PTPRG: variants seen among roughly 807,000 people sequenced by gnomAD.
PTPRG encodes receptor-type tyrosine-protein phosphatase gamma.
Under a neutral mutation model 165.3 loss-of-function variants are expected in PTPRG, and 102 were observed. The ratio of observed to expected loss-of-function variants is 0.62; its 90% CI spans 0.53 to 0.73. The LOEUF (loss-of-function observed/expected upper bound fraction) is 0.73, where lower values mean the gene tolerates loss of function less well. PTPRG is among the 30% of genes least tolerant of loss of function. PTPRG has a pLI of 0.00. For synonymous variants in PTPRG, 675 were observed against 669.5 expected (o/e 1.01, Z -0.13); for missense variants, 1,866 against 1,861.4 (o/e 1.00, Z -0.05).
intron 2 of PTPRG, chr3:61,926,044 T>C: frequency 6.9e-6 from 3 of 432,690 alleles, no homozygotes; most frequent in South Asian, 4.9e-5. Flanking sequence ...TATATCAGAA[T>C]AGAAACCGCA....
rs958480992 is a variant in PTPRG, at chr3:62,267,631, C to T, written c.2740-54C>T. 40 of 1,584,936 alleles carry T rather than the reference C, an allele frequency of 2.5e-5. No homozygotes were observed. In the East Asian group the frequency reaches 4.5e-4, roughly 18 times the overall value. On this transcript the variant is annotated intron_variant, in intron 18 of 29. Transcript: ENST00000474889. Reference sequence around the variant, plus strand: ...ATATGGAAGGCATTTGAATTATTGACTGGTCTTCTGTGATAACTGCTTTCA... The same window carrying T: ...ATATGGAAGGCATTTGAATTATTGATTGGTCTTCTGTGATAACTGCTTTCA...
intron 1 of PTPRG, among the ~76,000 whole-genome samples, chr3:61,655,485 T>C (rs1422962815): frequency 6.6e-6 from 1 of 152,208 alleles, no homozygotes; most frequent in African/African-American, 2.4e-5. Context: ...AGTATTATAA[T>C]TGACACATCT....
intron 1 of PTPRG, among the ~76,000 whole-genome samples, chr3:61,734,034 G>A (rs905620602): frequency 2.0e-5 from 3 of 152,122 alleles, no homozygotes; most frequent in African/African-American, 4.8e-5. Flanking sequence ...CGCCTGCCTC[G>A]GCTTTCCAAA....
At chr3:62,147,568 C>T (rs773132780) in intron 6 of PTPRG, among the ~76,000 whole-genome samples, 1 of 152,080 alleles carries the variant, frequency 6.6e-6, no homozygotes, top group Non-Finnish European at 1.5e-5. Context: ...CAACATGTTT[C>T]CTTTATTAGT....
chr3:61,833,067 T>TTGTG (rs113069211), intron 2 of PTPRG, among the ~76,000 whole-genome samples: 8,920 of 146,764 alleles, frequency 0.061, 350 homozygotes, highest in East Asian at 0.19. Flanking sequence ...TAGTATTCCA[T>TTGTG]TGTGTGTGTG....
chr3:61,732,886 A>C (rs1440227277), intron 1 of PTPRG, among the ~76,000 whole-genome samples: 1 of 152,214 alleles, frequency 6.6e-6, no homozygotes, highest in Non-Finnish European at 1.5e-5. Context: ...GTTTAAAAGA[A>C]AGTGAATTGT....
chr3:62,153,725 T>C lies in PTPRG; in HGVS notation c.683-3342T>C, dbSNP rs546915687. Among the ~76,000 whole-genome samples the C allele has an allele frequency of 3.0e-3, 462 of 152,328 alleles. 8 individuals carry two copies. Among genetic ancestry groups the C allele is most frequent in the Non-Finnish European group, 8.7e-4 (59 of 68,030 alleles). On this transcript the variant is annotated intron_variant, in intron 6 of 29. Transcript: ENST00000474889. ...CAGCTCTTTCTGAACCTCTTTCTTT[T>C]ATTGACTTATTTATAATCTTCACTA...
intron 4 of PTPRG, among the ~76,000 whole-genome samples, chr3:62,022,001 A>G (rs567291979): frequency 6.6e-6 from 1 of 151,410 alleles, no homozygotes; most frequent in Admixed American, 6.6e-5. Context: ...TTTGTCTTTT[A>G]CTTTCCAATG....
At chr3:62,291,223 G>A (rs1702884947) in intron 28 of PTPRG, among the ~76,000 whole-genome samples, 1 of 152,096 alleles carries the variant, frequency 6.6e-6, no homozygotes, top group Non-Finnish European at 1.5e-5. Context: ...AGTTTAAAAT[G>A]ATGAGGAGAA....
rs1428198436 is a variant in PTPRG at position 61,670,842 on chromosome 3, C to T, written c.86-78036C>T. On this transcript the variant is annotated intron_variant, in intron 1 of 29. Coordinates refer to ENST00000474889, the MANE Select transcript of PTPRG (RefSeq NM_002841.4). ...AGTAGAATCGCAGAAAAGAGACCTT[C>T]GTTGGCATTTTTTGTTTGTGTTGTG... Among the ~76,000 whole-genome samples, 3 of 152,282 alleles carry T rather than the reference C, an allele frequency of 2.0e-5. No homozygotes were observed. In the South Asian group the frequency reaches 6.2e-4, roughly 32 times the overall value.
chr3:62,192,908 CG>C (rs1247625674), intron 9 of PTPRG, among the ~76,000 whole-genome samples: 4 of 152,150 alleles, frequency 2.6e-5, no homozygotes, highest in Non-Finnish European at 5.9e-5. Flanking sequence ...CAGAGTCCTC[CG>C]GGCCCATTCA....
chr3:61,846,677 G>A (rs1397920578), intron 2 of PTPRG, among the ~76,000 whole-genome samples: 1 of 152,174 alleles, frequency 6.6e-6, no homozygotes, highest in East Asian at 1.9e-4. Context: ...GCACTTGGGA[G>A]GTTGAAGTAG....
rs558419699 is a variant in PTPRG at position 62,064,300 on chromosome 3, T to C, written c.520-13863T>C. On this transcript the variant is annotated intron_variant, in intron 4 of 29. Transcript: ENST00000474889. ...CTTCCCTTGCCTTAGATCTATATAC[T>C]TGGGCATATACCCACAGGACACAAA... Among the ~76,000 whole-genome samples, 16 of 152,330 alleles carry C rather than the reference T, an allele frequency of 1.1e-4. No homozygotes were observed. The East Asian group carries it at 3.1e-3, about 29-fold the overall frequency.
At chr3:62,163,202 C>G (rs963938864) in intron 7 of PTPRG, among the ~76,000 whole-genome samples, 3 of 152,158 alleles carry the variant, frequency 2.0e-5, no homozygotes, top group African/African-American at 7.2e-5. Context: ...GATTACAATT[C>G]CACCTGAGAT....
chr3:62,143,198 C>T (rs1317244379), intron 6 of PTPRG, among the ~76,000 whole-genome samples: 1 of 152,244 alleles, frequency 6.6e-6, no homozygotes. Context: ...GTCACCCTGA[C>T]ACCATTGTGA....
rs1413706322 is a variant in PTPRG at position 62,294,657 on chromosome 3, T to C, written c.*1350T>C. The C allele has an allele frequency of 1.3e-5, 2 of 152,144 alleles. No individual in the cohort carries two copies. Among genetic ancestry groups the C allele is most frequent in the Non-Finnish European group, 2.9e-5 (2 of 68,024 alleles). The allele number at this position is 152,144 out of a possible 1,614,324, so 9.4% of individuals were successfully genotyped here. ...ATAATGGGAAAATTAGGAGCATTAA[T>C]AAGAAATTTCAGTAGTGTTTGTAAG... is the stretch of plus-strand genomic sequence containing the variant. On this transcript the variant is annotated 3_prime_UTR_variant, in exon 30 of 30. Coordinates refer to ENST00000474889, the MANE Select transcript of PTPRG (RefSeq NM_002841.4).
At position 61,639,082 on chromosome 3, in the gene PTPRG, A is replaced by G. The variant is rs1327536392; in HGVS notation, c.85+76710A>G. Among the ~76,000 whole-genome samples the G allele has an allele frequency of 6.6e-5, 10 of 152,030 alleles. No individual in the cohort carries two copies. The East Asian group carries it at 1.9e-3, about 29-fold the overall frequency. Reference sequence around the variant, plus strand: ...AAATCTTTAATCCATCTTAATTTTCATATGTGGTGAAAGGGAGGTGTTCAC... The same window carrying G: ...AAATCTTTAATCCATCTTAATTTTCGTATGTGGTGAAAGGGAGGTGTTCAC... On this transcript the variant is annotated intron_variant, in intron 1 of 29. Coordinates refer to ENST00000474889, the MANE Select transcript of PTPRG (RefSeq NM_002841.4).
At chr3:62,150,497 CT>C (rs1417874776) in intron 6 of PTPRG, among the ~76,000 whole-genome samples, 1 of 152,192 alleles carries the variant, frequency 6.6e-6, no homozygotes, top group African/African-American at 2.4e-5. Flanking sequence ...GATGATTTGC[CT>C]GCACATTGAA....
At chr3:61,793,880 G>T (rs763890815) in intron 2 of PTPRG, among the ~76,000 whole-genome samples, 5 of 152,120 alleles carry the variant, frequency 3.3e-5, no homozygotes, top group Non-Finnish European at 7.4e-5. Context: ...GTTTCTCCCT[G>T]CCATACAGAA....
Sources: allele counts gnomAD v4.1 joint callset (sites outside exome capture counted in the v4.1 genomes callset), GRCh38; gene constraint gnomAD v4.1.1; transcripts MANE v1.5; gene names NCBI Gene and HGNC (gene_info 2026-07-23, HGNC 2026-07-21).